Variants in DGLUCY observed in about 807,000 individuals in gnomAD.
DGLUCY encodes D-glutamate cyclase, mitochondrial.
DGLUCY carries 58 observed loss-of-function variants against 58.5 expected under a neutral mutation model. The ratio of observed to expected loss-of-function variants is 0.99; its 90% confidence interval spans 0.80 to 1.23. DGLUCY has a LOEUF of 1.23. Ranked by LOEUF, DGLUCY falls within the 50% of genes most tolerant of loss-of-function variation. The pLI is 0.00. For missense variants in DGLUCY, 779 were observed against 784.7 expected, an observed-to-expected ratio of 0.99 and a Z score of 0.09; for synonymous variants, 325 against 314.1, an observed-to-expected ratio of 1.03 and a Z score of -0.37.
chr14:91,204,528 A>G (rs573971455), intron 11 of DGLUCY, among the ~76,000 whole-genome samples, 178 bp from the exon 12 acceptor site: 130 of 152,176 alleles, frequency 8.5e-4, no homozygotes, highest in Non-Finnish European at 1.5e-3. Context: ...ATTTTTAACT[A>G]AAGAAGTTTC....
intron 1 of DGLUCY, chr14:91,090,936 CTT>C (rs1444895159): frequency 6.6e-6 from 1 of 152,278 alleles, no homozygotes; most frequent in Non-Finnish European, 1.5e-5. Flanking sequence ...ACCTCAGCCT[CTT>C]GGTCTTCTAC....
chr14:91,151,687 C>G (rs1314068641), intron 1 of DGLUCY, among the ~76,000 whole-genome samples: 3 of 139,886 alleles, frequency 2.1e-5, no homozygotes, highest in Non-Finnish European at 4.5e-5. Flanking sequence ...TGCAGTCTTG[C>G]TCTGTCACCC....
At chr14:91,209,695 G>A (rs1370223009) in intron 12 of DGLUCY, among the ~76,000 whole-genome samples, 1 of 152,210 alleles carries the variant, frequency 6.6e-6, no homozygotes, top group African/African-American at 2.4e-5. Context: ...GTGAAAGAGC[G>A]AGACTCCATC....
At chr14:91,207,528 TGA>T (rs1417803683) in intron 12 of DGLUCY, among the ~76,000 whole-genome samples, 2 of 152,138 alleles carry the variant, frequency 1.3e-5, no homozygotes, top group African/African-American at 4.8e-5. Context: ...TCCGGGAAGC[TGA>T]GAGAACACTA....
At chr14:91,062,234 TA>T (rs2043709725) in intron 1 of DGLUCY, among the ~76,000 whole-genome samples, 1 of 152,092 alleles carries the variant, frequency 6.6e-6, no homozygotes, top group Non-Finnish European at 1.5e-5. Flanking sequence ...TTCTTTTAAT[TA>T]TTTTTGAATC....
At chr14:91,223,962 C>A (rs1262054187) in intron 13 of DGLUCY, among the ~76,000 whole-genome samples, 1 of 152,170 alleles carries the variant, frequency 6.6e-6, no homozygotes, top group Non-Finnish European at 1.5e-5. Context: ...GCCTGCTAGG[C>A]CCCGGGCTGC....
chr14:91,187,861 G>A (rs552474968), intron 8 of DGLUCY, among the ~76,000 whole-genome samples: 2 of 151,298 alleles, frequency 1.3e-5, no homozygotes, highest in South Asian at 2.1e-4. Context: ...TTTTTTTTCC[G>A]CTTTCCCCAT....
intron 8 of DGLUCY, among the ~76,000 whole-genome samples, chr14:91,188,514 A>G (rs2049664113): frequency 6.6e-6 from 1 of 152,198 alleles, no homozygotes; most frequent in African/African-American, 2.4e-5. Context: ...CTCTTACTGT[A>G]AAGTTTCTAC....
chr14:91,135,664 A>AAC (rs1425061865), intron 1 of DGLUCY, among the ~76,000 whole-genome samples: 11 of 150,714 alleles, frequency 7.3e-5, no homozygotes, highest in Non-Finnish European at 1.0e-4. Context: ...AAAAAAAAAA[A>AAC]AAAAAAAAAA....
intron 2 of DGLUCY, among the ~76,000 whole-genome samples, chr14:91,159,746 C>T (rs888511142): frequency 2.0e-5 from 3 of 152,146 alleles, no homozygotes; most frequent in Non-Finnish European, 2.9e-5. Context: ...GACAGAAACT[C>T]GGCCTCTTAT....
chr14:91,186,208 A>G (rs2049508072), intron 8 of DGLUCY, among the ~76,000 whole-genome samples: 1 of 152,084 alleles, frequency 6.6e-6, no homozygotes, highest in Non-Finnish European at 1.5e-5. Flanking sequence ...AGTAGGTTAC[A>G]TCCCAATTTT....
At position 91,225,383 on chromosome 14, in the gene DGLUCY, A is replaced by C. The variant is rs1888042231; in HGVS notation, c.*550A>C. The C allele has an allele frequency of 1.3e-5, 2 of 152,312 alleles. No individual in the cohort carries two copies. 9.4% of individuals were successfully genotyped at this position (152,312 alleles called of 1,614,324 possible). On this transcript the variant is annotated 3_prime_UTR_variant, in exon 14 of 14. Coordinates refer to ENST00000256324, the MANE Select transcript of DGLUCY (RefSeq NM_001102368.3). Reference sequence around the variant, plus strand: ...GTGTACTCTTCGGAATATCGTGATGAAATCTCACACCATCCTGCTCCATCC... The same window carrying C: ...GTGTACTCTTCGGAATATCGTGATGCAATCTCACACCATCCTGCTCCATCC...
At chr14:91,145,695 C>T (rs1179642522) in intron 1 of DGLUCY, among the ~76,000 whole-genome samples, 1 of 152,178 alleles carries the variant, frequency 6.6e-6, no homozygotes, top group Non-Finnish European at 1.5e-5. Flanking sequence ...ACCCGGTGCT[C>T]TCTCAGCACT....
chr14:91,119,285 A>G (rs2045204312), intron 1 of DGLUCY, among the ~76,000 whole-genome samples: 1 of 152,142 alleles, frequency 6.6e-6, no homozygotes, highest in South Asian at 2.1e-4. Flanking sequence ...TAGTGCGAAG[A>G]GGGGAGGAAT....
intron 10 of DGLUCY, 105 bp downstream of exon 10, chr14:91,196,579 G>A (rs779832112): frequency 1.7e-4 from 150 of 903,854 alleles, no homozygotes; most frequent in Non-Finnish European, 2.4e-4. Flanking sequence ...CAGAGGGAGC[G>A]AAGCCATGAG....
intron 1 of DGLUCY, among the ~76,000 whole-genome samples, chr14:91,072,397 G>T (rs368191797): frequency 6.6e-6 from 1 of 151,568 alleles, no homozygotes; most frequent in South Asian, 2.1e-4. Flanking sequence ...GATGATTTTT[G>T]TGTTCGTTTT....
At chr14:91,172,899 C>T (rs2048648485) in intron 5 of DGLUCY, among the ~76,000 whole-genome samples, 1 of 152,192 alleles carries the variant, frequency 6.6e-6, no homozygotes, top group South Asian at 2.1e-4. Flanking sequence ...CCCACCTCGG[C>T]CTCCCAAGTG....
In DGLUCY at chr14:91,196,672, C is replaced by T. The variant is rs558797293; in HGVS notation, c.1295+198C>T. The stretch of plus-strand genomic sequence containing the variant: ...GTATCCTGGGGGCCTCACAGAACAT[C>T]TCTGGAAGTAACAGGTCCCTGGGCA... On this transcript the variant is annotated intron_variant, in intron 10 of 13. Transcript: ENST00000256324. 4.7e-5 allele frequency among the ~76,000 whole-genome samples: 7 copies of T among 148,748 alleles called. No homozygotes were observed. In the South Asian group the frequency reaches 1.5e-3, roughly 32 times the overall value.
At position 91,167,372 on chromosome 14, in the gene DGLUCY, A is replaced by T. The variant is rs750465215; in HGVS notation, c.251A>T (p.Glu84Val). The T allele has an allele frequency of 6.2e-7, 1 of 1,614,146 alleles. No homozygotes were observed. The highest frequency in any genetic ancestry group is 8.5e-7 in the Non-Finnish European group (1 of 1,180,024). ...WMLPPQGAIS[E>V]TRMGHPQFWK... ...CTGCCCCCTCAAGGTGCTATCTCAG[A>T]GACCAGGTAAAAAGCTTGGGTTACT... Residue 84 changes from glutamate to valine, a missense_variant, in exon 4 of 14, where the codon GAG becomes GTG. Glu to Val is a moderately radical substitution (Grantham distance 121). Transcript: ENST00000256324.
Sources: allele counts gnomAD v4.1 joint callset (sites outside exome capture counted in the v4.1 genomes callset), GRCh38; gene constraint gnomAD v4.1.1; transcripts MANE v1.5; gene names NCBI Gene and HGNC (gene_info 2026-07-23, HGNC 2026-07-21).